SHTN1: variants seen among roughly 807,000 people sequenced by gnomAD.
SHTN1 encodes the protein shootin 1, also known as shootin-1.
Under a neutral mutation model 83.1 loss-of-function variants are expected in SHTN1, and 42 were observed. That is an observed-to-expected ratio of 0.51 (90% CI 0.39 to 0.65). The LOEUF is 0.65. Ranked by LOEUF, SHTN1 falls within the 30% of genes least tolerant of loss-of-function variation. The probability of loss-of-function intolerance (pLI) is 0.00; values close to 1 mark genes in which losing one functional copy is unlikely to be tolerated. For synonymous variants in SHTN1, 224 were observed against 247.7 expected, an observed-to-expected ratio of 0.90 and a Z score of 0.90; for missense variants, 622 against 737.8, an observed-to-expected ratio of 0.84 and a Z score of 1.82.
At chr10:117,091,793 G>GT (rs1484706994) in intron 1 of SHTN1, among the ~76,000 whole-genome samples, 2 of 152,210 alleles carry the variant, frequency 1.3e-5, no homozygotes, top group Non-Finnish European at 2.9e-5. Flanking sequence ...AAGGCAAGTA[G>GT]TGAGTGTCCT....
chr10:117,016,244 A>G (rs530141595), intron 2 of SHTN1, among the ~76,000 whole-genome samples: 7 of 152,288 alleles, frequency 4.6e-5, no homozygotes, highest in Non-Finnish European at 8.8e-5. Context: ...GAACTAAGGT[A>G]GTTGTAGATG....
chr10:117,088,623 A>C (rs1448594599), intron 1 of SHTN1, among the ~76,000 whole-genome samples: 3 of 152,174 alleles, frequency 2.0e-5, no homozygotes, highest in Non-Finnish European at 4.4e-5. Flanking sequence ...TGTCAATTTC[A>C]CGGCCACCCA....
chr10:116,961,358 A>C (rs1850180539), intron 3 of SHTN1, among the ~76,000 whole-genome samples: 1 of 152,216 alleles, frequency 6.6e-6, no homozygotes, highest in Non-Finnish European at 1.5e-5. Context: ...AAGCAGCACT[A>C]AATGGCCAGA....
intron 1 of SHTN1, among the ~76,000 whole-genome samples, chr10:117,066,644 G>A (rs910873970): frequency 1.8e-4 from 27 of 151,958 alleles, no homozygotes; most frequent in African/African-American, 6.3e-4. Flanking sequence ...TCCATGTTTC[G>A]GCCATTTTCT....
At chr10:117,027,564 T>C (rs899536748) in intron 2 of SHTN1, among the ~76,000 whole-genome samples, 3 of 151,948 alleles carry the variant, frequency 2.0e-5, no homozygotes, top group African/African-American at 7.2e-5. Flanking sequence ...AGTGGTGTGA[T>C]GTTGGCTCAC....
intron 7 of SHTN1, 151 bp downstream of exon 7, chr10:116,948,765 G>T: frequency 4.1e-6 from 2 of 489,172 alleles, no homozygotes; most frequent in Non-Finnish European, 3.3e-6. Context: ...TAAAACAATG[G>T]AAATGGGAGA....
rs1423406430 is a variant in SHTN1, at chr10:116,882,372, G to A, written c.*3972C>T. 1.4e-5 allele frequency: 2 copies of A among 142,814 alleles called. No homozygotes were observed. The highest frequency in any genetic ancestry group is 7.2e-5 in the Admixed American group (1 of 13,930). The allele number at this position is 142,814 out of a possible 1,614,324, so 8.8% of individuals were successfully genotyped here. A position where few individuals can be genotyped will look rare whatever the true frequency, so the allele number is the denominator to read the frequency against. ...TAAATGCCCAGTTATTCATACCACA[G>A]CATTTAAAAAGCAATCCGCAAGTGA... On this transcript the variant is annotated 3_prime_UTR_variant, in exon 17 of 17. Transcript: ENST00000355371.
intron 2 of SHTN1, among the ~76,000 whole-genome samples, chr10:117,037,797 G>A (rs1452617753): frequency 2.0e-5 from 3 of 151,956 alleles, no homozygotes; most frequent in Admixed American, 2.0e-4. Context: ...CACAAGATCA[G>A]GAGTTCGAGA....
chr10:117,053,277 A>C (rs1239517978), intron 1 of SHTN1, among the ~76,000 whole-genome samples: 1 of 151,974 alleles, frequency 6.6e-6, no homozygotes, highest in Non-Finnish European at 1.5e-5. Context: ...CTTGGTCAAA[A>C]TTAAAATATT....
chr10:117,114,340 T>C (rs896782872), intron 1 of SHTN1, among the ~76,000 whole-genome samples: 5 of 152,080 alleles, frequency 3.3e-5, no homozygotes, highest in East Asian at 1.9e-4. Flanking sequence ...ATGGGTATAA[T>C]AAAATGAGCC....
rs1440022370 is a variant in SHTN1, at chr10:117,107,041, G to C, written c.-189+19266C>G. 2.6e-5 allele frequency among the ~76,000 whole-genome samples: 4 copies of C among 152,122 alleles called. 1 individual carries two copies. The highest frequency in any genetic ancestry group is 5.9e-5 in the Non-Finnish European group (4 of 68,022). ...TATTTGTAATGAAGGTATCTTTAAA[G>C]AGAATAGTCAAAAACCTCCACTTAT... On this transcript the variant is annotated intron_variant, in intron 1 of 17. Coordinates refer to the SHTN1 transcript ENST00000392901.
rs373231246 is a variant in SHTN1, at chr10:117,112,218, G to A, written c.-189+14089C>T. 2.3e-3 allele frequency among the ~76,000 whole-genome samples: 348 copies of A among 152,064 alleles called. 13 individuals are homozygous for A. The South Asian group carries it at 0.067, about 29-fold the overall frequency. ...TGGGCTCAAGAGATCCGCCCGCCTC[G>A]GCCTCCCAAACTGCTGAGATTACAA... On this transcript the variant is annotated intron_variant, in intron 1 of 17. Transcript: ENST00000392901.
intron 1 of SHTN1, among the ~76,000 whole-genome samples, chr10:116,983,745 T>TAC (rs1271121148): frequency 1.3e-5 from 2 of 151,666 alleles, no homozygotes; most frequent in East Asian, 1.9e-4. Flanking sequence ...CACACTCACA[T>TAC]ACACACACAC....
chr10:117,103,233 G>T (rs1037315631), intron 1 of SHTN1, among the ~76,000 whole-genome samples: 1 of 151,836 alleles, frequency 6.6e-6, no homozygotes, highest in Non-Finnish European at 1.5e-5. Flanking sequence ...GGGATTACAG[G>T]TGCACACCAC....
intron 2 of SHTN1, among the ~76,000 whole-genome samples, chr10:117,038,781 GACA>G (rs1050898899): frequency 2.0e-5 from 3 of 152,118 alleles, no homozygotes; most frequent in Non-Finnish European, 2.9e-5. Context: ...TTTAAAAAAC[GACA>G]ACGTGATATC....
intron 2 of SHTN1, among the ~76,000 whole-genome samples, chr10:117,027,408 A>C (rs927318045): frequency 3.3e-5 from 5 of 152,168 alleles, no homozygotes; most frequent in African/African-American, 1.2e-4. Flanking sequence ...CCAGAAGCTG[A>C]GCAGATACCA....
intron 2 of SHTN1, among the ~76,000 whole-genome samples, chr10:117,029,929 G>A (rs1239846907): frequency 1.4e-5 from 2 of 147,778 alleles, no homozygotes; most frequent in Non-Finnish European, 3.0e-5. Context: ...TCTGTTGCCA[G>A]GCTGGAGTGC....
intron 2 of SHTN1, among the ~76,000 whole-genome samples, chr10:117,046,048 A>T (rs1852657635): frequency 6.6e-6 from 1 of 152,196 alleles, no homozygotes; most frequent in South Asian, 2.1e-4. Context: ...GTGCTTTATA[A>T]TTGGAACACC....
intron 1 of SHTN1, among the ~76,000 whole-genome samples, chr10:117,116,853 C>T (rs1374571926): frequency 4.6e-5 from 7 of 151,860 alleles, no homozygotes; most frequent in Non-Finnish European, 1.0e-4. Context: ...TAAATAAAAC[C>T]AACATTCCTT....
Sources: gnomAD v4.1 joint callset for allele counts (sites outside exome capture counted in the v4.1 genomes callset) on GRCh38, gnomAD v4.1.1 for gene constraint, MANE v1.5 for transcripts, NCBI Gene and HGNC (gene_info 2026-07-23, HGNC 2026-07-21) for gene names.